PLS3: variants seen among roughly 807,000 people sequenced by gnomAD.
The protein encoded by PLS3 is plastin 3.
Under a neutral mutation model 46.5 loss-of-function variants are expected in PLS3, and 11 were observed. That is an observed-to-expected ratio of 0.24 (90% CI 0.15 to 0.39). PLS3 has a LOEUF of 0.39. Ranked by LOEUF, PLS3 falls within the 10% of genes least tolerant of loss-of-function variation. The pLI is 1.00. For synonymous variants in PLS3, 167 were observed against 162.2 expected (o/e 1.03, Z -0.22); for missense variants, 308 against 461.8 (o/e 0.67, Z 3.05).
intron 1 of PLS3, among the ~76,000 whole-genome samples, chrX:115,598,306 A>AG (rs1402862302): frequency 9.1e-6 from 1 of 109,392 alleles, no homozygotes; most frequent in African/African-American, 3.3e-5. Context: ...AAAAAAAAAA[A>AG]AAGAAGAAGG....
intron 1 of PLS3, chrX:115,562,810 A>G (rs1390640401): frequency 1.2e-5 from 1 of 86,505 alleles, no homozygotes; most frequent in Non-Finnish European, 2.2e-5. Context: ...GTTGAGGCCC[A>G]TATTCCAAAA....
At chrX:115,641,904 A>C (rs1264429661) in intron 9 of PLS3, among the ~76,000 whole-genome samples, 1 of 110,149 alleles carries the variant, frequency 9.1e-6, no homozygotes, top group Non-Finnish European at 1.9e-5. Flanking sequence ...AAATCTAGCC[A>C]GTGTTATTTC....
At chrX:115,564,482 G>C (rs2074159979) in intron 1 of PLS3, among the ~76,000 whole-genome samples, 1 of 112,270 alleles carries the variant, frequency 8.9e-6, no homozygotes, top group Admixed American at 9.4e-5. Flanking sequence ...AACCCAATGA[G>C]ATTTTTCTCC....
rs1379261406 is a variant in PLS3, at chrX:115,649,896, C to T, written c.*335C>T. 1.4e-5 allele frequency: 2 copies of T among 142,713 alleles called. No homozygotes were observed. The highest frequency in any genetic ancestry group is 6.1e-5 in the African/African-American group (2 of 32,680). 11.8% of individuals were successfully genotyped at this position (142,713 alleles called of 1,213,427 possible). A position where few individuals can be genotyped will look rare whatever the true frequency, so the allele number is the denominator to read the frequency against. On this transcript the variant is annotated 3_prime_UTR_variant, in exon 16 of 16. Coordinates refer to ENST00000355899, the MANE Select transcript of PLS3 (RefSeq NM_005032.7). ...GTTATCTTTTGCCCTCTTAGAATGT[C>T]CCTCTCTTGGGACTTGCTTAGATGA...
At chrX:115,618,903 A>G (rs1384020055) in intron 2 of PLS3, among the ~76,000 whole-genome samples, 1 of 112,178 alleles carries the variant, frequency 8.9e-6, no homozygotes, top group African/African-American at 3.2e-5. Flanking sequence ...AATAAAGAAA[A>G]TAGCTTAAAA....
chrX:115,609,918 G>A (rs2074532160), intron 1 of PLS3, among the ~76,000 whole-genome samples: 1 of 111,713 alleles, frequency 9.0e-6, no homozygotes, highest in East Asian at 2.8e-4. Context: ...TTTAGCTTTG[G>A]CTCATATAAC....
chrX:115,604,520 A>G (rs2074473006), intron 1 of PLS3, among the ~76,000 whole-genome samples: 1 of 111,961 alleles, frequency 8.9e-6, no homozygotes, highest in Non-Finnish European at 1.9e-5. Context: ...TGGACACATT[A>G]CTAGGGAATA....
intron 1 of PLS3, among the ~76,000 whole-genome samples, chrX:115,602,387 G>A (rs1395812856): frequency 8.9e-6 from 1 of 111,828 alleles, no homozygotes; most frequent in African/African-American, 3.3e-5. Flanking sequence ...AAAGTCATTA[G>A]GAAACATGAG....
chrX:115,566,478 T>C (rs1337918892), intron 1 of PLS3, among the ~76,000 whole-genome samples: 2 of 108,695 alleles, frequency 1.8e-5, no homozygotes, highest in East Asian at 5.9e-4. Flanking sequence ...AAGCTCCTCC[T>C]CCCGGGTTCA....
At chrX:115,567,739 TCTCA>T (rs2074186447) in intron 1 of PLS3, among the ~76,000 whole-genome samples, 1 of 100,030 alleles carries the variant, frequency 1.0e-5, no homozygotes, top group Non-Finnish European at 2.0e-5. Context: ...TGAGTCAGGT[TCTCA>T]CTCTGTCGCC....
chrX:115,647,731 G>A, intron 14 of PLS3, 58 bp downstream of exon 14: 1 of 1,143,744 alleles, frequency 8.7e-7, no homozygotes, highest in Admixed American at 2.3e-5. Context: ...TCTATCATTT[G>A]GGAAGGCAAC....
At chrX:115,599,336 C>CAAAAAAAAAAA in intron 1 of PLS3, among the ~76,000 whole-genome samples, 1 of 32,423 alleles carries the variant, frequency 3.1e-5, no homozygotes, top group Non-Finnish European at 6.3e-5. Context: ...CCTGTCTCTA[C>CAAAAAAAAAAA]AAAAAAAAAA....
chrX:115,565,344 C>A (rs1556629999), intron 1 of PLS3, among the ~76,000 whole-genome samples: 1 of 111,263 alleles, frequency 9.0e-6, no homozygotes. Context: ...TGTTAGTATA[C>A]AAAAATGAAA....
chrX:115,589,191 C>T (rs956975157), intron 1 of PLS3, among the ~76,000 whole-genome samples: 1 of 110,650 alleles, frequency 9.0e-6, no homozygotes, highest in Admixed American at 9.7e-5. Context: ...ACGCTGCTCT[C>T]GAACTCCCGG....
chrX:115,633,338 T>A (rs2074797794), intron 5 of PLS3, among the ~76,000 whole-genome samples: 1 of 110,225 alleles, frequency 9.1e-6, no homozygotes, highest in African/African-American at 3.3e-5. Flanking sequence ...GCTGTGCTAA[T>A]TTTTGTATTT....
At chrX:115,573,142 T>C (rs1328141234) in intron 1 of PLS3, among the ~76,000 whole-genome samples, 1 of 88,075 alleles carries the variant, frequency 1.1e-5, no homozygotes, top group Non-Finnish European at 2.4e-5. Context: ...AAAAAGAAAA[T>C]GAATTTAAAT....
At chrX:115,639,984 C>T in intron 8 of PLS3, 3 of 468,991 alleles carry the variant, frequency 6.4e-6, no homozygotes, top group Non-Finnish European at 1.1e-5. Context: ...TAGCTAATCT[C>T]TTCTTCGTAG....
At chrX:115,587,042 G>T (rs1279403588) in intron 1 of PLS3, among the ~76,000 whole-genome samples, 1 of 111,897 alleles carries the variant, frequency 8.9e-6, no homozygotes, top group Non-Finnish European at 1.9e-5. Context: ...GGCTCATGGG[G>T]GTTAAAATTA....
intron 1 of PLS3, among the ~76,000 whole-genome samples, chrX:115,579,383 T>G (rs1273693935): frequency 8.9e-6 from 1 of 112,305 alleles, no homozygotes; most frequent in Non-Finnish European, 1.9e-5. Context: ...GGTGTTAGTG[T>G]GAACTTCAGT....
Sources: gnomAD v4.1 joint callset for allele counts (sites outside exome capture counted in the v4.1 genomes callset) on GRCh38, gnomAD v4.1.1 for gene constraint, MANE v1.5 for transcripts, NCBI Gene and HGNC (gene_info 2026-07-23, HGNC 2026-07-21) for gene names.